The following KIT variants were observed in gnomAD, a reference collection of about 807,000 sequenced individuals.
KIT encodes the protein KIT proto-oncogene, receptor tyrosine kinase, also known as mast/stem cell growth factor receptor Kit.
A neutral mutation model predicts 105.7 loss-of-function variants in KIT; 16 were observed. The ratio of observed to expected loss-of-function variants is 0.15; its 90% CI spans 0.10 to 0.23. KIT has a LOEUF of 0.23. KIT is among the 10% of genes least tolerant of loss of function. The probability of loss-of-function intolerance (pLI) is 1.00; values close to 1 mark genes in which losing one functional copy is unlikely to be tolerated. For synonymous variants in KIT, 438 were observed against 441.1 expected (o/e 0.99, Z 0.09); for missense variants, 858 against 1,213.8 (o/e 0.71, Z 4.36).
At chr4:54,710,971 C>T (rs1213239449) in intron 7 of KIT, among the ~76,000 whole-genome samples, 2 of 152,192 alleles carry the variant, frequency 1.3e-5, no homozygotes, top group African/African-American at 4.8e-5. Context: ...CCTTGTACTC[C>T]TAGGCCCAAG....
rs543933084 is a variant in KIT at position 54,712,317 on chromosome 4, C to T, written c.1231+2778C>T. Among the ~76,000 whole-genome samples, 6 of 152,286 alleles carry T rather than the reference C, an allele frequency of 3.9e-5. No homozygotes were observed. The South Asian group carries it at 1.0e-3, about 26-fold the overall frequency. On this transcript the variant is annotated intron_variant, in intron 7 of 20. Transcript: ENST00000288135. ...AATTACTCTTTGTCAAATTGCTCCT[C>T]CTCAGTGCTTCTTCTCAGTTTCTGT... is the stretch of plus-strand genomic sequence containing the variant.
At position 54,738,626 on chromosome 4, in the gene KIT, C is replaced by CT; in HGVS notation, c.*73dup. 1 of 1,590,094 alleles carries CT rather than the reference C, an allele frequency of 6.3e-7. No individual in the cohort carries two copies. Among genetic ancestry groups the CT allele is most frequent in the Non-Finnish European group, 8.6e-7 (1 of 1,166,236 alleles). ...TTTTGGCTTCCATGATGGTTATTTT[C>CT]TTTTCTTTCAACTTGCATCCAACTC... On this transcript the variant is annotated 3_prime_UTR_variant, in exon 21 of 21. Coordinates refer to ENST00000288135, the MANE Select transcript of KIT (RefSeq NM_000222.3).
At chr4:54,723,509 T>G in intron 7 of KIT, 75 bp from the exon 8 acceptor site, 3 of 928,760 alleles carry the variant, frequency 3.2e-6, no homozygotes, top group Non-Finnish European at 5.3e-6. Flanking sequence ...GTTGTAGGGA[T>G]TAGAGAGGGA....
chr4:54,678,713 T>C (rs1718695053), intron 1 of KIT, among the ~76,000 whole-genome samples: 1 of 152,174 alleles, frequency 6.6e-6, no homozygotes, highest in Non-Finnish European at 1.5e-5. Context: ...TTCCAGTGTC[T>C]GATCCTCCTT....
At chr4:54,663,494 A>G (rs2109541283) in intron 1 of KIT, among the ~76,000 whole-genome samples, 1 of 152,266 alleles carries the variant, frequency 6.6e-6, no homozygotes, top group East Asian at 1.9e-4. Context: ...AAAAAATTGA[A>G]AACGTGTAAA....
chr4:54,664,779 TTA>T (rs1330161500), intron 1 of KIT, among the ~76,000 whole-genome samples: 1 of 151,728 alleles, frequency 6.6e-6, no homozygotes, highest in Non-Finnish European at 1.5e-5. Context: ...GCTAATTTTT[TTA>T]TTTCTATTTT....
chr4:54,733,030 A>G (rs1389341847), intron 16 of KIT, 40 bp from the exon 17 acceptor site: 2 of 1,584,706 alleles, frequency 1.3e-6, no homozygotes, highest in South Asian at 1.1e-5. Context: ...ACAAGTTAAA[A>G]TGAATTTAAA....
chr4:54,690,056 T>TTG (rs1719586775), intron 1 of KIT, among the ~76,000 whole-genome samples: 2 of 106,638 alleles, frequency 1.9e-5, no homozygotes, highest in East Asian at 4.7e-4. Flanking sequence ...ACTTTTTTTT[T>TTG]GTGGGGGGGG....
Position 54,703,839 on chromosome 4 carries a change from A to G in KIT, c.872A>G (p.Tyr291Cys), listed in dbSNP as rs1720610130. The change falls in exon 5 of 21, where the codon TAT (tyrosine) becomes TGT (cysteine). Residue 291 changes from tyrosine to cysteine, a missense_variant. Tyr to Cys is a radical substitution (Grantham distance 194). Coordinates refer to ENST00000288135, the MANE Select transcript of KIT (RefSeq NM_000222.3). ...AATGATTCTGGAGTGTTCATGTGTT[A>G]TGCCAATAATACTTTTGGATCAGCA... The part of the protein sequence containing the change: ...RVNDSGVFMC[Y>C]ANNTFGSANV... The G allele has an allele frequency of 6.2e-7, 1 of 1,613,990 alleles. No individual in the cohort carries two copies. Among genetic ancestry groups the G allele is most frequent in the Non-Finnish European group, 8.5e-7 (1 of 1,179,868 alleles).
At chr4:54,727,801 C>G (rs2109779022) in intron 11 of KIT, 22 bp from the exon 12 acceptor site, 1 of 1,595,750 alleles carries the variant, frequency 6.3e-7, no homozygotes, top group Non-Finnish European at 8.6e-7. Context: ...CACCACTTAC[C>G]TTGTTGTCTT....
intron 9 of KIT, among the ~76,000 whole-genome samples, chr4:54,726,820 G>A (rs1306171609): frequency 6.6e-6 from 1 of 151,154 alleles, no homozygotes; most frequent in Middle Eastern, 3.2e-3. Flanking sequence ...TTCATGCTCA[G>A]TGTAGAAAAT....
At chr4:54,691,514 C>A (rs567003050) in intron 1 of KIT, among the ~76,000 whole-genome samples, 1 of 151,994 alleles carries the variant, frequency 6.6e-6, no homozygotes, top group Non-Finnish European at 1.5e-5. Context: ...GGCATGACAA[C>A]GGATGAAGAA....
At chr4:54,697,263 C>T (rs1283457166) in intron 2 of KIT, among the ~76,000 whole-genome samples, 1 of 152,154 alleles carries the variant, frequency 6.6e-6, no homozygotes, top group Non-Finnish European at 1.5e-5. Context: ...CATAATTTAT[C>T]TTGGAAAACT....
At chr4:54,701,264 A>G (rs1720436815) in intron 4 of KIT, among the ~76,000 whole-genome samples, 1 of 152,320 alleles carries the variant, frequency 6.6e-6, no homozygotes, top group African/African-American at 2.4e-5. Context: ...TGCAAACAAT[A>G]TGTAATGTGT....
At chr4:54,678,610 A>G (rs1718687881) in intron 1 of KIT, among the ~76,000 whole-genome samples, 1 of 152,002 alleles carries the variant, frequency 6.6e-6, no homozygotes, top group Non-Finnish European at 1.5e-5. Flanking sequence ...TCACATTGCA[A>G]TCCATGCATG....
Position 54,703,724 on chromosome 4 carries a change from A to G in KIT, c.757A>G (p.Thr253Ala), listed in dbSNP as rs765944197. ...YSTWKRENSQ[T>A]KLQEKYNSWH... ...TTTTCTCCTTTTCTGAAACCAGCAG[A>G]CTAAACTACAGGAGAAATATAATAG... The change falls in exon 5 of 21, where the codon ACT (threonine) becomes GCT (alanine). Residue 253 changes from threonine (T) to alanine (A), a missense_variant and splice_region_variant. Thr to Ala is a moderately conservative substitution (Grantham distance 58). Coordinates refer to ENST00000288135, the MANE Select transcript of KIT (RefSeq NM_000222.3). 2 of 1,613,006 alleles carry G rather than the reference A, an allele frequency of 1.2e-6. No homozygotes were observed. Among genetic ancestry groups the G allele is most frequent in the South Asian group, 1.1e-5 (1 of 91,062 alleles).
intron 6 of KIT, 56 bp downstream of exon 6, chr4:54,707,343 T>A: frequency 2.5e-6 from 3 of 1,197,444 alleles, no homozygotes; most frequent in Non-Finnish European, 3.7e-6. Context: ...TCCAGTGGGC[T>A]TATCAGATCT....
chr4:54,704,717 C>T (rs1720674583), intron 5 of KIT, among the ~76,000 whole-genome samples: 1 of 151,920 alleles, frequency 6.6e-6, no homozygotes, highest in Non-Finnish European at 1.5e-5. Context: ...GAATTTAATC[C>T]ATTTTTCTGT....
At chr4:54,689,287 A>G (rs1197882163) in intron 1 of KIT, among the ~76,000 whole-genome samples, 1 of 152,248 alleles carries the variant, frequency 6.6e-6, no homozygotes, top group Admixed American at 6.5e-5. Flanking sequence ...TAATTTATAC[A>G]TAATAAAATA....
Sources: allele counts gnomAD v4.1 joint callset (sites outside exome capture counted in the v4.1 genomes callset), GRCh38; gene constraint gnomAD v4.1.1; transcripts MANE v1.5; gene names NCBI Gene and HGNC (gene_info 2026-07-23, HGNC 2026-07-21).